Variants in MTSS2 observed in about 807,000 individuals in gnomAD.
The protein encoded by MTSS2 is protein MTSS 2.
A neutral mutation model predicts 67.1 loss-of-function variants in MTSS2; 27 were observed. The observed-to-expected ratio is 0.40, with a 90% confidence interval of 0.30 to 0.55. The LOEUF (loss-of-function observed/expected upper bound fraction) is 0.55. MTSS2 is among the 20% of genes least tolerant of loss of function. The pLI, the probability that MTSS2 is intolerant of heterozygous loss-of-function variation, is 0.43. For synonymous variants in MTSS2, 624 were observed against 468.6 expected, an observed-to-expected ratio of 1.33 and a Z score of -4.28; for missense variants, 1,171 against 1,067.8, an observed-to-expected ratio of 1.10 and a Z score of -1.35.
Position 70,664,769 on chromosome 16 carries a change from G to A in MTSS2, c.1306-6C>T, listed in dbSNP as rs776710611. The A allele has an allele frequency of 1.3e-5, 21 of 1,607,014 alleles. No homozygotes were observed. The highest frequency in any genetic ancestry group is 2.2e-5 in the East Asian group (1 of 44,642). On this transcript the variant is annotated splice_polypyrimidine_tract_variant and splice_region_variant and intron_variant, in intron 13 of 14. Transcript: ENST00000338779. Reference sequence around the variant, plus strand: ...GGGGACACCTCCTCACCGTGCTGAGGGTGGGAAAGTGCAGGCTGAAGCCTT... The same window carrying A: ...GGGGACACCTCCTCACCGTGCTGAGAGTGGGAAAGTGCAGGCTGAAGCCTT...
chr16:70,678,386 G>A lies in MTSS2; in HGVS notation c.490C>T (p.Leu164=), dbSNP rs574809027. 12 of 1,612,108 alleles carry A rather than the reference G, an allele frequency of 7.4e-6. No individual in the cohort carries two copies. The South Asian group carries it at 1.3e-4, about 18-fold the overall frequency. ...TTGACGTCCTGCAGGGCACTGTCCA[G>A]CTGGGGCTGCAGGTCTCCTTTCCCT... The part of the protein sequence containing the change: ...LLGKGDLQPQ[L]DSALQDVNDM... The change falls in exon 8 of 15, where the codon CTG becomes TTG. Residue 164 remains leucine, a synonymous_variant. Transcript: ENST00000338779.
Position 70,663,993 on chromosome 16 carries a change from G to C in MTSS2, c.1928C>G (p.Thr643Arg), listed in dbSNP as rs757046500. The change falls in exon 15 of 15, where the codon ACA (threonine) becomes AGA (arginine). Residue 643 changes from threonine (T) to arginine (R), a missense_variant. Thr to Arg is a moderately conservative substitution (Grantham distance 71). Coordinates refer to ENST00000338779, the MANE Select transcript of MTSS2 (RefSeq NM_138383.3). ...CTCTGGGGATGGGCTGCCCCAGGCT[G>C]TGTTGGGCAGGCTGAGCCTCTTTGG... ...ASPKRLSLPN[T>R]AWGSPSPEAA... 4 of 1,593,330 alleles carry C rather than the reference G, an allele frequency of 2.5e-6. No individual in the cohort carries two copies. The highest frequency in any genetic ancestry group is 2.3e-5 in the East Asian group (1 of 44,118).
chr16:70,681,276 C>T (rs545829933), intron 1 of MTSS2, among the ~76,000 whole-genome samples: 3 of 152,232 alleles, frequency 2.0e-5, no homozygotes, highest in Non-Finnish European at 4.4e-5. Context: ...TCAGGACATC[C>T]ACCCTACAGG....
At chr16:70,668,064 G>C (rs2052787784) in intron 11 of MTSS2, among the ~76,000 whole-genome samples, 2 of 150,234 alleles carry the variant, frequency 1.3e-5, no homozygotes, top group African/African-American at 4.9e-5. Flanking sequence ...AGACAAAGCG[G>C]TACCAAAAAA....
chr16:70,664,623 G>A lies in MTSS2; in HGVS notation c.1446C>T (p.Cys482=), dbSNP rs769160431. 3.8e-5 allele frequency: 61 copies of A among 1,613,082 alleles called. No homozygotes were observed. In the Middle Eastern group the frequency reaches 5.4e-4, roughly 14 times the overall value. The change falls in exon 14 of 15, where the codon TGC becomes TGT. Residue 482 remains cysteine, a synonymous_variant. Coordinates refer to ENST00000338779, the MANE Select transcript of MTSS2 (RefSeq NM_138383.3). ...CTTGGGAGGGGATGGTGTCCTCAGA[G>A]CAGGAGGGCGTGGTGGTCTGCGTGC... is the stretch of plus-strand genomic sequence containing the variant. ...GYSTQTTTPS[C]SEDTIPSQGS...
intron 12 of MTSS2, 30 bp from the exon 13 acceptor site, chr16:70,665,126 A>G (rs779363590): frequency 9.8e-5 from 153 of 1,568,068 alleles, no homozygotes; most frequent in Non-Finnish European, 1.2e-4. Context: ...GGTCAGGGGG[A>G]CCACTGGCCC....
At chr16:70,683,286 G>C (rs2053355903) in intron 1 of MTSS2, among the ~76,000 whole-genome samples, 2 of 152,222 alleles carry the variant, frequency 1.3e-5, no homozygotes, top group South Asian at 4.1e-4. Flanking sequence ...AATCAGGAGA[G>C]GAGGAGCACC....
At chr16:70,669,635 G>A (rs953492675) in intron 11 of MTSS2, among the ~76,000 whole-genome samples, 3 of 152,094 alleles carry the variant, frequency 2.0e-5, no homozygotes, top group Non-Finnish European at 4.4e-5. Context: ...GGCCAACATG[G>A]TGAAACCCCG....
chr16:70,663,099 GGGCCTGGCCGCCCAACTCCAACCTGCC>G lies in MTSS2; in HGVS notation c.*551_*577del, dbSNP rs2052551793. 1 of 152,982 alleles carries G rather than the reference GGGCCTGGCCGCCCAACTCCAACCTGCC, an allele frequency of 6.5e-6. No individual in the cohort carries two copies. The highest frequency in any genetic ancestry group is 2.4e-5 in the African/African-American group (1 of 41,476). The allele number at this position is 152,982 out of a possible 1,614,324, so 9.5% of individuals were successfully genotyped here. A position where few individuals can be genotyped will look rare whatever the true frequency, so the allele number is the denominator to read the frequency against. On this transcript the variant is annotated 3_prime_UTR_variant, in exon 15 of 15. Coordinates refer to ENST00000338779, the MANE Select transcript of MTSS2 (RefSeq NM_138383.3). ...CCCTGGAACTCCCTTCCCACACGGGGGGCCTGGCCGCCCAACTCCAACCTGCCGCCCTGGCCCCCAGCCCCCAGCAGA... is the reference window on the plus strand; with the variant it reads ...CCCTGGAACTCCCTTCCCACACGGGGGCCCTGGCCCCCAGCCCCCAGCAGA...
chr16:70,677,480 G>A lies in MTSS2; in HGVS notation c.732+312C>T, dbSNP rs116487767. ...GGGGTTTCTGGCCATGAAGGGAGGT[G>A]GGGCGTCTCCAGGTTCGGCAGGAGG... On this transcript the variant is annotated intron_variant, in intron 9 of 14. Transcript: ENST00000338779. 3.8e-3 allele frequency among the ~76,000 whole-genome samples: 576 copies of A among 152,230 alleles called. 6 individuals carry two copies. The highest frequency in any genetic ancestry group is 0.013 in the African/African-American group (560 of 41,542).
chr16:70,665,425 G>A (rs935332476), intron 12 of MTSS2, 41 bp downstream of exon 12: 2 of 1,529,976 alleles, frequency 1.3e-6, no homozygotes, highest in East Asian at 4.9e-5. Flanking sequence ...GATGGGAGGG[G>A]CAGCTGGTGA....
chr16:70,667,036 G>T (rs1298965949), intron 11 of MTSS2, among the ~76,000 whole-genome samples: 1 of 152,100 alleles, frequency 6.6e-6, no homozygotes, highest in Non-Finnish European at 1.5e-5. Context: ...AGCACTTTGG[G>T]AGGCTGATGC....
At chr16:70,670,411 T>G (rs1484957130) in intron 11 of MTSS2, among the ~76,000 whole-genome samples, 1 of 152,264 alleles carries the variant, frequency 6.6e-6, no homozygotes, top group Non-Finnish European at 1.5e-5. Context: ...TTTGCAATTC[T>G]GCTCCTAGGA....
chr16:70,674,702 G>A (rs116405907), intron 10 of MTSS2, among the ~76,000 whole-genome samples, 174 bp from the exon 11 acceptor site: 1 of 152,354 alleles, frequency 6.6e-6, no homozygotes, highest in African/African-American at 2.4e-5. Flanking sequence ...TGTGTTCTGG[G>A]ACGGTGTGGA....
At chr16:70,675,415 C>A (rs2053085206) in intron 10 of MTSS2, among the ~76,000 whole-genome samples, 1 of 152,050 alleles carries the variant, frequency 6.6e-6, no homozygotes, top group Non-Finnish European at 1.5e-5. Context: ...AGAGCGAGAC[C>A]CTGTCTCACA....
At chr16:70,666,562 C>A (rs777065970) in intron 11 of MTSS2, among the ~76,000 whole-genome samples, 1 of 152,188 alleles carries the variant, frequency 6.6e-6, no homozygotes, top group Non-Finnish European at 1.5e-5. Flanking sequence ...GCCAGGGCAG[C>A]CCCCTTCCTC....
intron 11 of MTSS2, among the ~76,000 whole-genome samples, chr16:70,670,194 C>T (rs1329464261): frequency 6.6e-6 from 1 of 152,154 alleles, no homozygotes; most frequent in East Asian, 1.9e-4. Context: ...TCACTCGAAT[C>T]CCAAGGATGG....
In MTSS2 at chr16:70,663,795, G is replaced by T. The variant is rs751872615; in HGVS notation, c.2126C>A (p.Thr709Asn). Residue 709 changes from threonine to asparagine, a missense_variant, in exon 15 of 15, where the codon ACC becomes AAC. Thr to Asn is a moderately conservative substitution (Grantham distance 65). Transcript: ENST00000338779. The part of the protein sequence containing the change: ...LSATPTEETP[T>N]PPPAATSDPP... The stretch of plus-strand genomic sequence containing the variant: ...GTCGCTGGTGGCGGCTGGGGGTGGG[G>T]TGGGCGTCTCCTCCGTGGGGGTGGC... 1.3e-6 allele frequency: 2 copies of T among 1,521,200 alleles called. No individual in the cohort carries two copies. The highest frequency in any genetic ancestry group is 2.5e-5 in the East Asian group (1 of 40,540). The allele number at this position is 1,521,200 out of a possible 1,614,324, so 94.2% of individuals were successfully genotyped here.
chr16:70,665,604 G>A (rs2052685114), intron 11 of MTSS2, 64 bp from the exon 12 acceptor site: 2 of 1,424,698 alleles, frequency 1.4e-6, no homozygotes, highest in African/African-American at 1.4e-5. Context: ...AGGAGGAGAG[G>A]AGAGAACAGT....
Sources: gnomAD v4.1 joint callset for allele counts (sites outside exome capture counted in the v4.1 genomes callset) on GRCh38, gnomAD v4.1.1 for gene constraint, MANE v1.5 for transcripts, NCBI Gene and HGNC (gene_info 2026-07-23, HGNC 2026-07-21) for gene names.